RPGRIP1L: variants seen among roughly 807,000 people sequenced by gnomAD.
RPGRIP1L encodes RPGRIP1 like.
RPGRIP1L carries 131 observed loss-of-function variants against 160.4 expected under a neutral mutation model. The ratio of observed to expected loss-of-function variants is 0.82; its 90% CI spans 0.71 to 0.94. The LOEUF is 0.94. Ranked by LOEUF, RPGRIP1L falls within the 40% of genes least tolerant of loss-of-function variation. The pLI is 0.00. For missense variants in RPGRIP1L, 1,522 were observed against 1,535.8 expected, an observed-to-expected ratio of 0.99 and a Z score of 0.15; for synonymous variants, 510 against 515.8, an observed-to-expected ratio of 0.99 and a Z score of 0.15.
chr16:53,699,332 T>C (rs1005456658), intron 2 of RPGRIP1L, among the ~76,000 whole-genome samples: 11 of 146,576 alleles, frequency 7.5e-5, no homozygotes, highest in African/African-American at 2.5e-4. Flanking sequence ...CCTCCACTAT[T>C]GTCCTATGAC....
intron 6 of RPGRIP1L, among the ~76,000 whole-genome samples, chr16:53,682,164 T>G (rs1969658445): frequency 6.6e-6 from 1 of 152,196 alleles, no homozygotes; most frequent in African/African-American, 2.4e-5. Context: ...ACTATAGGTA[T>G]CTTTCCTTCT....
intron 3 of RPGRIP1L, chr16:53,693,905 G>C (rs899997041): frequency 1.3e-5 from 2 of 152,152 alleles, no homozygotes; most frequent in East Asian, 1.9e-4. Flanking sequence ...ACATTCAAAA[G>C]AAAGACACAG....
chr16:53,699,227 C>G (rs1181688633), intron 2 of RPGRIP1L, among the ~76,000 whole-genome samples: 1 of 151,726 alleles, frequency 6.6e-6, no homozygotes, highest in Non-Finnish European at 1.5e-5. Flanking sequence ...TCCCTAATCT[C>G]AAGTACCCAG....
At chr16:53,666,566 ATGTGTGTGTGTG>A (rs112955038) in intron 9 of RPGRIP1L, among the ~76,000 whole-genome samples, 1 of 136,718 alleles carries the variant, frequency 7.3e-6, no homozygotes, top group Non-Finnish European at 1.6e-5. Flanking sequence ...GAGTACATCT[ATGTGTGTGTGTG>A]TGTGTGTGTG....
chr16:53,609,900 A>G (rs1008473107), intron 25 of RPGRIP1L, among the ~76,000 whole-genome samples: 82 of 152,282 alleles, frequency 5.4e-4, no homozygotes, highest in African/African-American at 1.8e-3. Flanking sequence ...TCTTCTTCAA[A>G]CAGAAGATAA....
intron 22 of RPGRIP1L, among the ~76,000 whole-genome samples, chr16:53,625,622 C>T (rs1347740899): frequency 3.9e-5 from 6 of 152,046 alleles, no homozygotes; most frequent in Non-Finnish European, 7.4e-5. Context: ...TCTGCCCAGC[C>T]GCCACCCCGT....
At chr16:53,607,663 A>G (rs540266197) in intron 25 of RPGRIP1L, among the ~76,000 whole-genome samples, 2 of 152,322 alleles carry the variant, frequency 1.3e-5, no homozygotes, top group East Asian at 3.9e-4. Flanking sequence ...ACAAATGCAG[A>G]CAATTACCTC....
At chr16:53,625,109 C>T (rs1385874648) in intron 22 of RPGRIP1L, among the ~76,000 whole-genome samples, 1 of 152,156 alleles carries the variant, frequency 6.6e-6, no homozygotes, top group African/African-American at 2.4e-5. Flanking sequence ...GATCTTGGCT[C>T]GCTACAACCT....
chr16:53,622,119 CT>C (rs1229207016), intron 23 of RPGRIP1L, 99 bp downstream of exon 23: 4 of 409,398 alleles, frequency 9.8e-6, no homozygotes, highest in Non-Finnish European at 1.8e-5. Flanking sequence ...AATCCCAGCA[CT>C]TTGGGAGGCA....
chr16:53,651,459 T>C (rs1966852619), intron 15 of RPGRIP1L, among the ~76,000 whole-genome samples: 1 of 152,034 alleles, frequency 6.6e-6, no homozygotes, highest in African/African-American at 2.4e-5. Flanking sequence ...AAATCCAAAC[T>C]CCTCACTCTG....
At chr16:53,697,520 C>A (rs1357042929) in intron 2 of RPGRIP1L, among the ~76,000 whole-genome samples, 2 of 151,246 alleles carry the variant, frequency 1.3e-5, no homozygotes, top group African/African-American at 2.4e-5. Flanking sequence ...CGCCGCCACG[C>A]CTGGCTGGTT....
At chr16:53,700,857 G>T in intron 1 of RPGRIP1L, 127 bp from the exon 2 acceptor site, 1 of 729,732 alleles carries the variant, frequency 1.4e-6, no homozygotes. Context: ...CACATGTGCT[G>T]CTTGGAGAAG....
At chr16:53,648,818 C>G (rs1966759266) in intron 16 of RPGRIP1L, 146 bp downstream of exon 16, 1 of 726,168 alleles carries the variant, frequency 1.4e-6, no homozygotes, top group Non-Finnish European at 2.3e-6. Flanking sequence ...TTTACCACTT[C>G]CTGTGAGTAT....
chr16:53,698,160 G>GC (rs1182145695), intron 2 of RPGRIP1L, among the ~76,000 whole-genome samples: 1 of 150,664 alleles, frequency 6.6e-6, no homozygotes, highest in Non-Finnish European at 1.5e-5. Flanking sequence ...GAGCCCCTCC[G>GC]CCCGGCAGCC....
chr16:53,645,086 A>C (rs1966456554), intron 17 of RPGRIP1L, among the ~76,000 whole-genome samples: 1 of 152,222 alleles, frequency 6.6e-6, no homozygotes, highest in South Asian at 2.1e-4. Flanking sequence ...TATTGGAATA[A>C]GAAACTGATA....
intron 4 of RPGRIP1L, among the ~76,000 whole-genome samples, chr16:53,690,365 T>A (rs1970301040): frequency 6.6e-6 from 1 of 152,028 alleles, no homozygotes; most frequent in African/African-American, 2.4e-5. Flanking sequence ...CCCAGCTAAT[T>A]TTTTGTATTT....
intron 25 of RPGRIP1L, among the ~76,000 whole-genome samples, chr16:53,610,754 G>C (rs1372974630): frequency 6.6e-6 from 1 of 152,154 alleles, no homozygotes; most frequent in Non-Finnish European, 1.5e-5. Context: ...AGTCCTATAG[G>C]ATCATTACAA....
intron 10 of RPGRIP1L, chr16:53,659,987 T>C (rs552209386): frequency 2.6e-5 from 4 of 152,294 alleles, no homozygotes; most frequent in African/African-American, 7.2e-5. Context: ...TGGTTATGCT[T>C]GTCTAGGTAC....
intron 2 of RPGRIP1L, among the ~76,000 whole-genome samples, chr16:53,700,381 A>G (rs1971297040): frequency 6.6e-6 from 1 of 152,226 alleles, no homozygotes; most frequent in Non-Finnish European, 1.5e-5. Context: ...TACTGATGTG[A>G]GGAATTTTAA....
Sources: gnomAD v4.1 joint callset for allele counts (sites outside exome capture counted in the v4.1 genomes callset) on GRCh38, gnomAD v4.1.1 for gene constraint, MANE v1.5 for transcripts, NCBI Gene and HGNC (gene_info 2026-07-23, HGNC 2026-07-21) for gene names.